The following KCNH5 variants were observed in gnomAD, a reference collection of about 807,000 sequenced individuals.
KCNH5 encodes the protein potassium voltage-gated channel subfamily H member 5, also known as voltage-gated delayed rectifier potassium channel KCNH5.
In KCNH5, 46 loss-of-function variants were observed where a neutral mutation model predicts 96.1. The ratio of observed to expected loss-of-function variants is 0.48; its 90% CI spans 0.38 to 0.61. KCNH5 has a LOEUF of 0.61. Ranked by LOEUF, KCNH5 falls within the 20% of genes least tolerant of loss-of-function variation. The pLI is 0.00. For missense variants in KCNH5, 907 were observed against 1,225.8 expected (o/e 0.74, Z 3.88); for synonymous variants, 439 against 449.8 (o/e 0.98, Z 0.30).
chr14:62,820,905 A>G (rs1887101595), intron 8 of KCNH5, among the ~76,000 whole-genome samples: 1 of 152,122 alleles, frequency 6.6e-6, no homozygotes, highest in Non-Finnish European at 1.5e-5. Flanking sequence ...TATATGCAGT[A>G]ATGGGATTAC....
intron 3 of KCNH5, among the ~76,000 whole-genome samples, chr14:63,003,624 A>ATTTTTTTTTT (rs775227561): frequency 1.1e-5 from 1 of 92,854 alleles, no homozygotes; most frequent in African/African-American, 4.7e-5. Context: ...ATATATATAT[A>ATTTTTTTTTT]TTTTTTTTTT....
At chr14:62,928,553 T>A (rs937839954) in intron 7 of KCNH5, among the ~76,000 whole-genome samples, 1 of 152,076 alleles carries the variant, frequency 6.6e-6, no homozygotes, top group African/African-American at 2.4e-5. Flanking sequence ...TACTACCCCA[T>A]TTTACCGATG....
intron 4 of KCNH5, among the ~76,000 whole-genome samples, chr14:62,999,256 T>A (rs561952488): frequency 1.3e-5 from 2 of 152,208 alleles, no homozygotes; most frequent in Admixed American, 6.5e-5. Context: ...TATCTCATTG[T>A]GGTTTTGATT....
rs575058794 is a variant in KCNH5 at position 62,739,691 on chromosome 14, C to G, written c.2020-31236G>C. 7.2e-4 allele frequency among the ~76,000 whole-genome samples: 109 copies of G among 152,226 alleles called. 3 individuals are homozygous for G. In the South Asian group the frequency reaches 0.022, roughly 30 times the overall value. ...CATGGTACTGTTGTACAGACCAAAA[C>G]ACTTGTACAAGAAAGCCCTACACAA... On this transcript the variant is annotated intron_variant, in intron 10 of 10. Coordinates refer to ENST00000322893, the MANE Select transcript of KCNH5 (RefSeq NM_139318.5).
intron 8 of KCNH5, among the ~76,000 whole-genome samples, chr14:62,809,190 G>T (rs1026412744): frequency 4.6e-5 from 7 of 152,140 alleles, no homozygotes; most frequent in Middle Eastern, 3.4e-3. Context: ...GAACATATTT[G>T]TTTCTCTCTA....
intron 6 of KCNH5, among the ~76,000 whole-genome samples, chr14:62,976,761 T>G (rs1211204976): frequency 6.6e-6 from 1 of 152,196 alleles, no homozygotes; most frequent in Non-Finnish European, 1.5e-5. Flanking sequence ...ACAATGGCAT[T>G]GTATCTTTCA....
intron 2 of KCNH5, among the ~76,000 whole-genome samples, chr14:63,007,879 C>G (rs773797583): frequency 1.3e-5 from 2 of 152,110 alleles, no homozygotes; most frequent in Non-Finnish European, 2.9e-5. Context: ...CAAAAACTTT[C>G]TAATGTTTGA....
At chr14:62,827,997 A>G (rs1887262591) in intron 8 of KCNH5, among the ~76,000 whole-genome samples, 1 of 151,876 alleles carries the variant, frequency 6.6e-6, no homozygotes, top group Non-Finnish European at 1.5e-5. Context: ...ACTCCTCTAT[A>G]TTTGTTCTTA....
At chr14:62,931,692 G>C (rs1356086296) in intron 7 of KCNH5, among the ~76,000 whole-genome samples, 3 of 152,114 alleles carry the variant, frequency 2.0e-5, no homozygotes, top group African/African-American at 7.2e-5. Context: ...CAAGTACTTT[G>C]GGAAGTGAAG....
intron 10 of KCNH5, among the ~76,000 whole-genome samples, chr14:62,771,565 C>A (rs1885988447): frequency 6.6e-6 from 1 of 152,124 alleles, no homozygotes. Flanking sequence ...GCAGAGCTTG[C>A]AGTGAGCCGA....
intron 8 of KCNH5, among the ~76,000 whole-genome samples, chr14:62,846,836 T>TGTG (rs1163730103): frequency 7.5e-6 from 1 of 132,666 alleles, no homozygotes; most frequent in Non-Finnish European, 1.6e-5. Context: ...AGTCTGGCTC[T>TGTG]GCGGCCCAGG....
Position 62,907,973 on chromosome 14 carries a change from T to C in KCNH5, c.1369+42160A>G, listed in dbSNP as rs187316508. On this transcript the variant is annotated intron_variant, in intron 7 of 10. Coordinates refer to ENST00000322893, the MANE Select transcript of KCNH5 (RefSeq NM_139318.5). ...GACGTCTTCAAAATATTAAAGATAC[T>C]TTCCCAAGCATCCCAAGGGTCTCCT... Among the ~76,000 whole-genome samples the C allele has an allele frequency of 5.2e-4, 79 of 152,336 alleles. 2 individuals are homozygous for C. Among genetic ancestry groups the C allele is most frequent in the African/African-American group, 1.8e-3 (74 of 41,588 alleles).
intron 9 of KCNH5, among the ~76,000 whole-genome samples, chr14:62,784,774 T>C (rs1419420871): frequency 2.0e-5 from 3 of 152,196 alleles, no homozygotes; most frequent in Non-Finnish European, 4.4e-5. Flanking sequence ...TTAACTTAAC[T>C]GATGAAATTA....
intron 8 of KCNH5, among the ~76,000 whole-genome samples, chr14:62,840,429 T>C (rs1887552434): frequency 6.6e-6 from 1 of 152,062 alleles, no homozygotes; most frequent in Non-Finnish European, 1.5e-5. Flanking sequence ...TCTCCTTGAC[T>C]CCAGACCCAT....
intron 5 of KCNH5, among the ~76,000 whole-genome samples, chr14:62,983,730 C>T (rs1890654240): frequency 2.0e-5 from 3 of 152,152 alleles, no homozygotes; most frequent in Non-Finnish European, 4.4e-5. Context: ...ATACAGTATA[C>T]TTATACCTAG....
At chr14:62,801,905 T>A (rs1165065000) in intron 9 of KCNH5, among the ~76,000 whole-genome samples, 1 of 152,088 alleles carries the variant, frequency 6.6e-6, no homozygotes, top group Non-Finnish European at 1.5e-5. Context: ...ATTGGGAAAG[T>A]CACTAAGCTT....
intron 4 of KCNH5, 100 bp from the exon 5 acceptor site, chr14:62,987,287 C>T: frequency 1.3e-6 from 1 of 791,386 alleles, no homozygotes; most frequent in Admixed American, 2.0e-5. Context: ...CACATAACAT[C>T]CAAAATGAAT....
In KCNH5 at chr14:63,018,479, T is replaced by G. The variant is rs1356491874; in HGVS notation, c.74-1525A>C. On this transcript the variant is annotated intron_variant, in intron 1 of 10. Transcript: ENST00000322893. ...AGGGCTAAAGAGATGGATAGAAATTTCACCAGCTCCCCGAAGGTAGAAGAT... is the reference window on the plus strand; with the variant it reads ...AGGGCTAAAGAGATGGATAGAAATTGCACCAGCTCCCCGAAGGTAGAAGAT... Among the ~76,000 whole-genome samples the G allele has an allele frequency of 2.6e-5, 4 of 152,056 alleles. No homozygotes were observed. The South Asian group carries it at 6.2e-4, about 24-fold the overall frequency.
intron 10 of KCNH5, among the ~76,000 whole-genome samples, chr14:62,754,294 G>GA (rs1378283958): frequency 3.3e-5 from 5 of 151,562 alleles, no homozygotes; most frequent in African/African-American, 1.2e-4. Context: ...CATAACATCA[G>GA]AAAAAAATCA....
Sources: gnomAD v4.1 joint callset for allele counts (sites outside exome capture counted in the v4.1 genomes callset) on GRCh38, gnomAD v4.1.1 for gene constraint, MANE v1.5 for transcripts, NCBI Gene and HGNC (gene_info 2026-07-23, HGNC 2026-07-21) for gene names.